PARN: variants seen among roughly 807,000 people sequenced by gnomAD.
PARN encodes the protein poly(A)-specific ribonuclease.
A neutral mutation model predicts 102.8 loss-of-function variants in PARN; 71 were observed. The ratio of observed to expected loss-of-function variants is 0.69; its 90% CI spans 0.57 to 0.84. PARN has a LOEUF of 0.84. PARN is among the 40% of genes least tolerant of loss of function. The pLI is 0.00. For synonymous variants in PARN, 261 were observed against 252.9 expected, an observed-to-expected ratio of 1.03 and a Z score of -0.30; for missense variants, 782 against 760.9, an observed-to-expected ratio of 1.03 and a Z score of -0.33.
intron 3 of PARN, among the ~76,000 whole-genome samples, 152 bp from the exon 4 acceptor site, chr16:14,627,488 T>G (rs1371179904): frequency 1.3e-5 from 2 of 152,228 alleles, no homozygotes. Flanking sequence ...ATCAGAAGCA[T>G]TATTAATTTG....
At chr16:14,577,030 G>GA (rs1969187097) in intron 18 of PARN, among the ~76,000 whole-genome samples, 1 of 152,192 alleles carries the variant, frequency 6.6e-6, no homozygotes, top group Non-Finnish European at 1.5e-5. Context: ...AGACGTAAGT[G>GA]AAGTTTATTT....
intron 12 of PARN, among the ~76,000 whole-genome samples, chr16:14,598,656 C>T (rs971606643): frequency 2.0e-5 from 3 of 152,178 alleles, no homozygotes; most frequent in South Asian, 4.1e-4. Flanking sequence ...ACTTTCTATT[C>T]GACTTTAATC....
intron 5 of PARN, among the ~76,000 whole-genome samples, chr16:14,620,117 C>A (rs1467986845): frequency 6.8e-6 from 1 of 147,422 alleles, no homozygotes. Context: ...GTGGCTCATG[C>A]CTGTAATCCC....
chr16:14,457,269 A>G (rs994085442), intron 22 of PARN, among the ~76,000 whole-genome samples: 5 of 152,208 alleles, frequency 3.3e-5, no homozygotes, highest in Non-Finnish European at 7.3e-5. Flanking sequence ...CCCACTGTGC[A>G]AACTACCTCA....
chr16:14,439,349 G>T (rs1399988212), intron 23 of PARN, among the ~76,000 whole-genome samples: 2 of 149,068 alleles, frequency 1.3e-5, no homozygotes, highest in Non-Finnish European at 3.0e-5. Flanking sequence ...TCCAGCCTGG[G>T]TGGGTGACAG....
intron 10 of PARN, among the ~76,000 whole-genome samples, chr16:14,604,960 A>G (rs1485760968): frequency 1.3e-5 from 2 of 150,992 alleles, no homozygotes; most frequent in Admixed American, 1.3e-4. Context: ...TGTATGTGTG[A>G]CAGGTTATCA....
chr16:14,460,659 G>A (rs1157768983), intron 22 of PARN, among the ~76,000 whole-genome samples: 1 of 152,076 alleles, frequency 6.6e-6, no homozygotes, highest in Admixed American at 6.6e-5. Flanking sequence ...CATACAAAAG[G>A]TAAAGCCACA....
intron 19 of PARN, among the ~76,000 whole-genome samples, chr16:14,555,177 A>G (rs898776908): frequency 6.6e-6 from 1 of 152,202 alleles, no homozygotes; most frequent in African/African-American, 2.4e-5. Context: ...GTGAAATAGC[A>G]GAAAAAAAGC....
At chr16:14,621,043 C>A (rs1972263997) in intron 5 of PARN, among the ~76,000 whole-genome samples, 1 of 152,128 alleles carries the variant, frequency 6.6e-6, no homozygotes. Flanking sequence ...CACAGAAAAA[C>A]ACACAAACAA....
chr16:14,619,499 T>G (rs1020064692), intron 5 of PARN, among the ~76,000 whole-genome samples: 42 of 152,098 alleles, frequency 2.8e-4, no homozygotes, highest in South Asian at 4.1e-4. Flanking sequence ...GTGCAGTGGC[T>G]CACACCTGTA....
chr16:14,510,868 G>A (rs1013257492), intron 21 of PARN, among the ~76,000 whole-genome samples: 1 of 152,238 alleles, frequency 6.6e-6, no homozygotes, highest in East Asian at 1.9e-4. Flanking sequence ...GAAAGACAAG[G>A]CAAAGGAAGA....
Position 14,436,572 on chromosome 16 carries a change from GT to G in PARN, c.*144del, listed in dbSNP as rs941240051. The G allele has an allele frequency of 1.6e-6, 1 of 628,502 alleles. No homozygotes were observed. Among genetic ancestry groups the G allele is most frequent in the Non-Finnish European group, 2.8e-6 (1 of 351,496 alleles). The allele number at this position is 628,502 out of a possible 1,614,324, so 38.9% of individuals were successfully genotyped here. ...AACCACAGCCACAAAAATAAAACCT[GT>G]TTTCTCCCCCCCAGGAGACAACTTG... On this transcript the variant is annotated 3_prime_UTR_variant, in exon 24 of 24. Coordinates refer to ENST00000437198, the MANE Select transcript of PARN (RefSeq NM_002582.4).
intron 23 of PARN, among the ~76,000 whole-genome samples, chr16:14,442,827 C>T (rs1339084029): frequency 6.6e-6 from 1 of 152,164 alleles, no homozygotes; most frequent in Non-Finnish European, 1.5e-5. Context: ...AGGCTGGTCT[C>T]GAACTCCTGA....
intron 17 of PARN, among the ~76,000 whole-genome samples, chr16:14,581,564 G>C (rs955419860): frequency 6.6e-6 from 1 of 152,078 alleles, no homozygotes; most frequent in African/African-American, 2.4e-5. Flanking sequence ...CCAGTACGAT[G>C]GTATTTGGAA....
chr16:14,522,845 T>A (rs1175516551), intron 21 of PARN, among the ~76,000 whole-genome samples: 4 of 152,118 alleles, frequency 2.6e-5, no homozygotes, highest in Non-Finnish European at 4.4e-5. Flanking sequence ...AGAAATCTCA[T>A]CTCAAGCCTG....
intron 21 of PARN, among the ~76,000 whole-genome samples, chr16:14,541,405 C>T (rs62037469): frequency 0.3 from 44,868 of 152,014 alleles, 7,513 homozygotes; most frequent in South Asian, 0.42. Flanking sequence ...AGCCACAACC[C>T]ACCACAGCCA....
At chr16:14,522,868 G>T (rs924610320) in intron 21 of PARN, among the ~76,000 whole-genome samples, 1 of 152,154 alleles carries the variant, frequency 6.6e-6, no homozygotes, top group Admixed American at 6.5e-5. Context: ...CCACAAGTGG[G>T]TGCTAAGAAA....
At chr16:14,450,757 G>A (rs1961411718) in intron 22 of PARN, among the ~76,000 whole-genome samples, 1 of 152,078 alleles carries the variant, frequency 6.6e-6, no homozygotes. Flanking sequence ...TATAAAATGA[G>A]TCTAAAATAT....
chr16:14,455,743 T>C (rs1322619741), intron 22 of PARN, among the ~76,000 whole-genome samples: 1 of 152,178 alleles, frequency 6.6e-6, no homozygotes, highest in Non-Finnish European at 1.5e-5. Flanking sequence ...ACACTTGCAA[T>C]ATGGTGACAG....
Sources: allele counts gnomAD v4.1 joint callset (sites outside exome capture counted in the v4.1 genomes callset), GRCh38; gene constraint gnomAD v4.1.1; transcripts MANE v1.5; gene names NCBI Gene and HGNC (gene_info 2026-07-23, HGNC 2026-07-21).